SH2D3C: variants seen among roughly 807,000 people sequenced by gnomAD.
The protein encoded by SH2D3C is SH2 domain-containing protein 3C.
Under a neutral mutation model 75.2 loss-of-function variants are expected in SH2D3C, and 25 were observed. That is an observed-to-expected ratio of 0.33 (90% CI 0.24 to 0.46). The LOEUF is 0.46. Among genes scored for constraint, SH2D3C ranks in the 20% least tolerant of loss-of-function variants. The probability of loss-of-function intolerance (pLI) is 1.00; values close to 1 mark genes in which losing one functional copy is unlikely to be tolerated. For missense variants in SH2D3C, 933 were observed against 1,165.3 expected, an observed-to-expected ratio of 0.80 and a Z score of 2.90; for synonymous variants, 450 against 473.7, an observed-to-expected ratio of 0.95 and a Z score of 0.65.
chr9:127,747,158 G>A lies in SH2D3C; in HGVS notation c.1253C>T (p.Ala418Val), dbSNP rs778357310. The A allele has an allele frequency of 3.7e-6, 6 of 1,613,794 alleles. No homozygotes were observed. In the African/African-American group the frequency reaches 8.0e-5, roughly 22 times the overall value. The change falls in exon 6 of 12, where the codon GCC (alanine) becomes GTC (valine). Residue 418 changes from alanine (A) to valine (V), a missense_variant. Ala to Val is a moderately conservative substitution (Grantham distance 64). Coordinates refer to ENST00000314830, the MANE Select transcript of SH2D3C (RefSeq NM_170600.3). The stretch of plus-strand genomic sequence containing the variant: ...TCTGCTGGCCATACCAGTGCTGTAG[G>A]CAGGGGAGCTAGGGCTCTCGGAGAT... Reference protein sequence around the residue: ...SPISESPSSPAYSTVTRVHAA... With the variant: ...SPISESPSSPVYSTVTRVHAA...
At chr9:127,764,855 C>T (rs904282468) in intron 2 of SH2D3C, among the ~76,000 whole-genome samples, 9 of 152,046 alleles carry the variant, frequency 5.9e-5, no homozygotes, top group African/African-American at 2.2e-4. Context: ...TTACAGGTGA[C>T]CACCACCACG....
At chr9:127,761,385 GC>G (rs1369203025) in intron 3 of SH2D3C, among the ~76,000 whole-genome samples, 1 of 152,188 alleles carries the variant, frequency 6.6e-6, no homozygotes, top group Non-Finnish European at 1.5e-5. Context: ...ATATTGGGTT[GC>G]CCTGAGTTTG....
Position 127,749,216 on chromosome 9 carries a change from G to C in SH2D3C, c.1134C>G (p.Pro378=), listed in dbSNP as rs759494296. The stretch of plus-strand genomic sequence containing the variant: ...CAAATGGGGCCCTGGCTGACCTGGT[G>C]GGGCAGCCATCGCTGCGGGTGACCT... The part of the protein sequence containing the change: ...ADKVTRSDGC[P]TSTSLPRPRD... Residue 378 remains proline, a synonymous_variant, in exon 5 of 12, where the codon CCC becomes CCG. Transcript: ENST00000314830. This position sits in a 1 kb window ranked among gnomAD's most constrained non-coding sequence, Gnocchi z 5.9. 5.8e-6 allele frequency: 9 copies of C among 1,551,572 alleles called. No homozygotes were observed. In the African/African-American group the frequency reaches 8.1e-5, roughly 14 times the overall value.
chr9:127,776,972 G>A (rs1829019806), intron 1 of SH2D3C, among the ~76,000 whole-genome samples: 1 of 152,174 alleles, frequency 6.6e-6, no homozygotes, highest in African/African-American at 2.4e-5. Context: ...AGCACCACTG[G>A]TTTTGCCTCC....
intron 2 of SH2D3C, chr9:127,771,117 G>T (rs1199652349): frequency 3.8e-5 from 48 of 1,251,832 alleles, no homozygotes; most frequent in Non-Finnish European, 4.9e-5. Flanking sequence ...TGCCCCAGGG[G>T]TGCAGATTTC....
chr9:127,742,098 G>T, intron 8 of SH2D3C, 139 bp from the exon 9 acceptor site: 1 of 771,542 alleles, frequency 1.3e-6, no homozygotes. Context: ...AATGGGATAA[G>T]GGGGCGCGGC....
At position 127,744,967 on chromosome 9, in the gene SH2D3C, C is replaced by A; in HGVS notation, c.1397G>T (p.Gly466Val). 6.4e-7 allele frequency: 1 copy of A among 1,550,822 alleles called. No individual in the cohort carries two copies. The highest frequency in any genetic ancestry group is 1.2e-5 in the South Asian group (1 of 80,886). The part of the protein sequence containing the change: ...APKTHGESDK[G>V]PHTSPSHTLG... ...GGTGTGGGAGGGGCTGGTGTGGGGG[C>A]CCTTGTCTGACTCCCCATGGGTCTT... is the stretch of plus-strand genomic sequence containing the variant. Residue 466 changes from glycine to valine, a missense_variant, in exon 7 of 12, where the codon GGC (glycine) becomes GTC (valine). Coordinates refer to ENST00000314830, the MANE Select transcript of SH2D3C (RefSeq NM_170600.3).
intron 3 of SH2D3C, chr9:127,755,298 G>C: frequency 9.8e-7 from 1 of 1,016,322 alleles, no homozygotes; most frequent in South Asian, 4.8e-5. Flanking sequence ...GTCGGGGGAG[G>C]AGCGGGGAGG....
chr9:127,752,974 C>A (rs920251827), intron 3 of SH2D3C, among the ~76,000 whole-genome samples: 2 of 151,940 alleles, frequency 1.3e-5, no homozygotes, highest in Admixed American at 6.6e-5. Context: ...GTGGAGAGGG[C>A]AGGTGGACAG....
Position 127,738,654 on chromosome 9 carries a change from G to C in SH2D3C, c.*92C>G. 1 of 1,330,956 alleles carries C rather than the reference G, an allele frequency of 7.5e-7. No individual in the cohort carries two copies. Among genetic ancestry groups the C allele is most frequent in the African/African-American group, 1.5e-5 (1 of 67,220 alleles). The allele number at this position is 1,330,956 out of a possible 1,614,324, so 82.4% of individuals were successfully genotyped here. A position where few individuals can be genotyped will look rare whatever the true frequency, so the allele number is the denominator to read the frequency against. ...GTTGAACCCAGAACATTCTCGGGTTGATCACAGTGTCCTTGGGGTGCTCTG... is the reference window on the plus strand; with the variant it reads ...GTTGAACCCAGAACATTCTCGGGTTCATCACAGTGTCCTTGGGGTGCTCTG... On this transcript the variant is annotated 3_prime_UTR_variant, in exon 12 of 12. Transcript: ENST00000314830. The surrounding 1 kb of genome is among the most constrained non-coding windows in gnomAD (Gnocchi z 5.0).
At chr9:127,767,542 A>G (rs1211697457) in intron 2 of SH2D3C, among the ~76,000 whole-genome samples, 2 of 152,198 alleles carry the variant, frequency 1.3e-5, no homozygotes, top group Non-Finnish European at 2.9e-5. Flanking sequence ...GACAAACAAA[A>G]AAACAATATT....
At chr9:127,778,533 G>T in intron 1 of SH2D3C, 58 bp downstream of exon 1, 1 of 1,221,178 alleles carries the variant, frequency 8.2e-7, no homozygotes, top group Non-Finnish European at 1.2e-6. Flanking sequence ...CAGATGCAGA[G>T]AGAGGCCCAG....
rs1412638047 is a variant in SH2D3C at position 127,741,867 on chromosome 9, T to C, written c.2009A>G (p.Gln670Arg). ...AGTCCCCCGCAGCTCGGCCGCCAGC[T>C]GAATGGTCTTGTGCAGCAGCGCTGC... ...ERAALLHKTI[Q>R]LAAELRGTMG... The change falls in exon 9 of 12, where the codon CAG (glutamine) becomes CGG (arginine). Residue 670 changes from glutamine to arginine, a missense_variant. Physicochemically the swap from Gln to Arg is conservative, Grantham distance 43. Transcript: ENST00000314830. 7 of 1,613,174 alleles carry C rather than the reference T, an allele frequency of 4.3e-6. No homozygotes were observed. In the Admixed American group the frequency reaches 8.3e-5, roughly 19 times the overall value.
intron 3 of SH2D3C, among the ~76,000 whole-genome samples, chr9:127,753,831 G>A (rs555573834): frequency 9.2e-5 from 14 of 152,376 alleles, no homozygotes; most frequent in African/African-American, 3.1e-4. Context: ...CACAGCTGGA[G>A]CTAGAGGGAC....
At chr9:127,755,374 G>A (rs1038397380) in intron 3 of SH2D3C, 1 of 368,388 alleles carries the variant, frequency 2.7e-6, no homozygotes, top group South Asian at 1.3e-4. Context: ...TCCTCCCTCC[G>A]CCCGCCCCCC....
chr9:127,741,995 G>T, intron 8 of SH2D3C, 36 bp from the exon 9 acceptor site: 1 of 1,571,210 alleles, frequency 6.4e-7, no homozygotes, highest in South Asian at 1.1e-5. Flanking sequence ...GGCGGGCTCG[G>T]GGACAGGGGT....
In SH2D3C at chr9:127,741,889, C is replaced by T. The variant is rs145622720; in HGVS notation, c.1987G>A (p.Ala663Thr). The T allele has an allele frequency of 3.2e-4, 516 of 1,613,056 alleles. 2 individuals are homozygous for T. The highest frequency in any genetic ancestry group is 2.1e-3 in the Middle Eastern group (13 of 6,082). The change falls in exon 9 of 12, where the codon GCG becomes ACG. Residue 663 changes from alanine to threonine, a missense_variant. Ala to Thr is a moderately conservative substitution (Grantham distance 58). Transcript: ENST00000314830. ...AGCTGAATGGTCTTGTGCAGCAGCG[C>T]TGCCCGCTCCTCCGCAGAGCCGGTG... is the stretch of plus-strand genomic sequence containing the variant. ...GCTGSAEERA[A>T]LLHKTIQLAA...
intron 8 of SH2D3C, 96 bp downstream of exon 8, chr9:127,742,753 C>G (rs1844900977): frequency 1.2e-6 from 1 of 863,902 alleles, no homozygotes; most frequent in South Asian, 1.7e-5. Context: ...CCCTGGGAGC[C>G]GAGCTGAGGC....
At position 127,774,325 on chromosome 9, in the gene SH2D3C, C is replaced by T; in HGVS notation, c.180G>A (p.Val60=). Residue 60 remains valine, a synonymous_variant, in exon 2 of 12, where the codon GTG becomes GTA. Transcript: ENST00000314830. The surrounding 1 kb of genome is among the most constrained non-coding windows in gnomAD (Gnocchi z 4.3). The part of the protein sequence containing the change: ...FEATQDDMVT[V]PKSPPAYARS... The stretch of plus-strand genomic sequence containing the variant: ...GGGCATAGGCTGGGGGACTCTTGGG[C>T]ACCGTCACCATGTCATCCTGCGTGG... The T allele has an allele frequency of 6.2e-7, 1 of 1,613,958 alleles. No individual in the cohort carries two copies. Among genetic ancestry groups the T allele is most frequent in the South Asian group, 1.1e-5 (1 of 91,078 alleles).
Sources: allele counts gnomAD v4.1 joint callset (sites outside exome capture counted in the v4.1 genomes callset), GRCh38; gene constraint gnomAD v4.1.1; non-coding constraint Gnocchi (gnomAD v3.1); transcripts MANE v1.5; gene names NCBI Gene and HGNC (gene_info 2026-07-23, HGNC 2026-07-21).